TSEN2: variants seen among roughly 807,000 people sequenced by gnomAD.
The protein encoded by TSEN2 is tRNA-splicing endonuclease subunit Sen2.
Under a neutral mutation model 59.2 loss-of-function variants are expected in TSEN2, and 54 were observed. The ratio of observed to expected loss-of-function variants is 0.91; its 90% confidence interval spans 0.73 to 1.14. The LOEUF is 1.14. Among genes scored for constraint, TSEN2 ranks in the 50% most tolerant of loss-of-function variants. TSEN2 has a pLI of 0.00. For synonymous variants in TSEN2, 195 were observed against 198.2 expected (o/e 0.98, Z 0.14); for missense variants, 636 against 576.2 (o/e 1.10, Z -1.06).
At chr3:12,530,274 A>T (rs1217715328) in intron 10 of TSEN2, 1 of 1,000,772 alleles carries the variant, frequency 1.0e-6, no homozygotes, top group Non-Finnish European at 1.2e-6. Flanking sequence ...TCTCTTAGAG[A>T]GGAAGGGACT....
chr3:12,515,292 G>A (rs916626789), intron 6 of TSEN2, among the ~76,000 whole-genome samples: 1 of 152,206 alleles, frequency 6.6e-6, no homozygotes, highest in Non-Finnish European at 1.5e-5. Flanking sequence ...AAGAAGCTGA[G>A]TGAGCAGTTT....
At position 12,529,748 on chromosome 3, in the gene TSEN2, T is replaced by C. The variant is rs1451006870; in HGVS notation, c.1137-14T>C. On this transcript the variant is annotated splice_polypyrimidine_tract_variant and intron_variant, in intron 9 of 11. Transcript: ENST00000284995. The stretch of plus-strand genomic sequence containing the variant: ...TCATGATTACTTTTAACATGCTTTT[T>C]CTGTATTTTCCAGTTATTCTGTCAT... 6.2e-7 allele frequency: 1 copy of C among 1,611,622 alleles called. No homozygotes were observed. Among genetic ancestry groups the C allele is most frequent in the South Asian group, 1.1e-5 (1 of 91,010 alleles).
intron 4 of TSEN2, among the ~76,000 whole-genome samples, chr3:12,500,994 C>T (rs1301415760): frequency 1.3e-5 from 2 of 152,092 alleles, no homozygotes; most frequent in African/African-American, 2.4e-5. Context: ...AGTTTTGGGT[C>T]CCTTCCCCAG....
intron 7 of TSEN2, among the ~76,000 whole-genome samples, chr3:12,518,703 T>C (rs1277318270): frequency 2.5e-5 from 3 of 118,282 alleles, no homozygotes; most frequent in Non-Finnish European, 5.3e-5. Context: ...TTATATTCTC[T>C]CTTTTTTTTT....
intron 7 of TSEN2, among the ~76,000 whole-genome samples, chr3:12,518,600 C>T (rs540625198): frequency 1.3e-5 from 2 of 152,282 alleles, no homozygotes; most frequent in South Asian, 4.1e-4. Context: ...TTCTGGTAAC[C>T]ACATTAAAAA....
intron 4 of TSEN2, 94 bp downstream of exon 4, chr3:12,496,648 C>CT (rs2053776770): frequency 5.6e-6 from 7 of 1,258,332 alleles, no homozygotes; most frequent in Middle Eastern, 1.9e-4. Flanking sequence ...CAGTCCACAC[C>CT]TTTTTTTCTT....
rs1204277222 is a variant in TSEN2 at position 12,516,648 on chromosome 3, T to C, written c.947T>C (p.Ile316Thr). The C allele has an allele frequency of 5.0e-6, 8 of 1,613,892 alleles. No homozygotes were observed. The highest frequency in any genetic ancestry group is 2.7e-5 in the African/African-American group (2 of 74,882). The change falls in exon 7 of 12, where the codon ATT (isoleucine) becomes ACT (threonine). Residue 316 changes from isoleucine to threonine, a missense_variant. Ile to Thr is a moderately conservative substitution (Grantham distance 89). Transcript: ENST00000284995. ...GTCTATGCTCTGGGATGTTTAAGTATTTACTATGAGAAGGTAAGATGCTTT... is the reference window on the plus strand; with the variant it reads ...GTCTATGCTCTGGGATGTTTAAGTACTTACTATGAGAAGGTAAGATGCTTT... ...FLVYALGCLS[I>T]YYEKEPLTIV... is the part of the protein sequence containing the mutation.
chr3:12,533,935 C>T (rs1434271401), downstream of TSEN2, among the ~76,000 whole-genome samples: 1 of 152,104 alleles, frequency 6.6e-6, no homozygotes, highest in East Asian at 1.9e-4. Flanking sequence ...GTGTATTTAT[C>T]CCTGCAGCAG....
At chr3:12,509,276 C>T (rs928238418) in intron 6 of TSEN2, among the ~76,000 whole-genome samples, 1 of 151,498 alleles carries the variant, frequency 6.6e-6, no homozygotes, top group African/African-American at 2.4e-5. Context: ...TCTCAGCACA[C>T]TGCAACGTCT....
chr3:12,516,599 C>G lies in TSEN2; in HGVS notation c.910-12C>G, dbSNP rs1365192162. 1.2e-6 allele frequency: 2 copies of G among 1,613,450 alleles called. No homozygotes were observed. The highest frequency in any genetic ancestry group is 2.7e-5 in the African/African-American group (2 of 74,796). On this transcript the variant is annotated splice_polypyrimidine_tract_variant and intron_variant, in intron 6 of 11. Transcript: ENST00000284995. The stretch of plus-strand genomic sequence containing the variant: ...ATTTGTAATGAGCATTTTCTGCTTG[C>G]TGTATTTTCAGGCCTTTTTCTTGGT...
At chr3:12,480,528 G>GTTTTTTTTTTTTTTTTTTTTTTTTT (rs752340308), upstream of TSEN2, among the ~76,000 whole-genome samples, 57 of 91,750 alleles carry the variant, frequency 6.2e-4, 1 homozygote, top group Non-Finnish European at 8.1e-4. Context: ...TTGTTTCTTT[G>GTTTTTTTTTTTTTTTTTTTTTTTTT]TTTTTTTTTT....
chr3:12,528,874 TTTC>T lies in TSEN2; in HGVS notation c.1100-8_1100-6del. 2 of 1,613,990 alleles carry T rather than the reference TTTC, an allele frequency of 1.2e-6. No homozygotes were observed. Among genetic ancestry groups the T allele is most frequent in the Non-Finnish European group, 1.7e-6 (2 of 1,179,958 alleles). On this transcript the variant is annotated splice_polypyrimidine_tract_variant and intron_variant, in intron 8 of 11. Transcript: ENST00000284995. ...TGAGTGGTTATACTTCTTTTTTTTCTTTCTTCTTTGCAGTGCTATATCGGAAAG... is the reference window on the plus strand; with the variant it reads ...TGAGTGGTTATACTTCTTTTTTTTCTTTCTTTGCAGTGCTATATCGGAAAG...
intron 3 of TSEN2, among the ~76,000 whole-genome samples, chr3:12,494,394 A>G (rs1410583910): frequency 6.6e-6 from 1 of 152,120 alleles, no homozygotes; most frequent in Non-Finnish European, 1.5e-5. Flanking sequence ...ATATTTTATT[A>G]TATTTTTTGA....
At chr3:12,496,581 G>T in intron 4 of TSEN2, 27 bp downstream of exon 4, 1 of 1,613,434 alleles carries the variant, frequency 6.2e-7, no homozygotes, top group South Asian at 1.1e-5. Context: ...TTTGGCTTCT[G>T]TCAAAATGAT....
At chr3:12,539,146 T>G (rs1428419646) in intron 10 of TSEN2, 1 of 445,800 alleles carries the variant, frequency 2.2e-6, no homozygotes, top group Admixed American at 2.5e-5. Flanking sequence ...TCTTTTTTTT[T>G]TTCTTGTGAT....
At chr3:12,524,739 C>CTTTTTTTTTTTT (rs746602626) in intron 8 of TSEN2, among the ~76,000 whole-genome samples, 1 of 131,772 alleles carries the variant, frequency 7.6e-6, no homozygotes, top group Non-Finnish European at 1.6e-5. Context: ...TCTTTGGTCT[C>CTTTTTTTTTTTT]TTTTTTTTTT....
intron 6 of TSEN2, chr3:12,506,837 T>C: frequency 1.0e-6 from 1 of 985,382 alleles, no homozygotes; most frequent in Non-Finnish European, 1.2e-6. Flanking sequence ...GGCATACAGG[T>C]AGGTCCCAAG....
intron 3 of TSEN2, among the ~76,000 whole-genome samples, chr3:12,493,447 G>A (rs1052124038): frequency 1.3e-5 from 2 of 152,180 alleles, no homozygotes; most frequent in African/African-American, 2.4e-5. Context: ...AATAATAGTC[G>A]GCCAGGCGCG....
At chr3:12,538,984 T>C (rs557261785) in intron 10 of TSEN2, 293 of 320,452 alleles carry the variant, frequency 9.1e-4, no homozygotes, top group Non-Finnish European at 1.4e-3. Context: ...AGGCTGGAAT[T>C]TTACTGATTT....
Sources: gnomAD v4.1 joint callset for allele counts (sites outside exome capture counted in the v4.1 genomes callset) on GRCh38, gnomAD v4.1.1 for gene constraint, MANE v1.5 for transcripts, NCBI Gene and HGNC (gene_info 2026-07-23, HGNC 2026-07-21) for gene names.